LEF1: variants seen among roughly 807,000 people sequenced by gnomAD.
The protein encoded by LEF1 is lymphoid enhancer-binding factor 1.
A neutral mutation model predicts 51.2 loss-of-function variants in LEF1; 14 were observed. The observed-to-expected ratio is 0.27, with a 90% CI of 0.18 to 0.43. The LOEUF is 0.43. LEF1 is among the 20% of genes least tolerant of loss of function. The pLI, the probability that LEF1 is intolerant of heterozygous loss-of-function variation, is 1.00. For missense variants in LEF1, 386 were observed against 512.0 expected, an observed-to-expected ratio of 0.75 and a Z score of 2.37; for synonymous variants, 185 against 183.2, an observed-to-expected ratio of 1.01 and a Z score of -0.08.
In LEF1 at chr4:108,167,558, G is replaced by T; in HGVS notation, c.210C>A (p.His70Gln). The T allele has an allele frequency of 6.2e-7, 1 of 1,614,034 alleles. No homozygotes were observed. Among genetic ancestry groups the T allele is most frequent in the South Asian group, 1.1e-5 (1 of 91,078 alleles). Residue 70 changes from histidine to glutamine, a missense_variant, in exon 1 of 12, where the codon CAC becomes CAA. By Grantham distance (24) the His-to-Gln change is conservative (BLOSUM62 0). Around this residue, in one of 2 missense-constraint regions of LEF1, gnomAD observed 335 missense variants for 390.7 expected, o/e 0.86. Transcript: ENST00000265165. The surrounding 1 kb of genome is among the most constrained non-coding windows in gnomAD (Gnocchi z 5.7). ...ACTGGGGCAGCGGCCCGCTCACCTC[G>T]TGTCCGTTGCTGGCCGGGATGATTT... ...ESEIIPASNG[H>Q]EVARQAQTSQ...
rs540816439 is a variant in LEF1 at position 108,165,005 on chromosome 4, T to C, written c.280+92A>G. 10 of 1,091,086 alleles carry C rather than the reference T, an allele frequency of 9.2e-6. No homozygotes were observed. The South Asian group carries it at 1.3e-4, about 14-fold the overall frequency. 67.6% of individuals were successfully genotyped at this position (1,091,086 alleles called of 1,614,324 possible). On this transcript the variant is annotated intron_variant, in intron 2 of 11. Coordinates refer to ENST00000265165, the MANE Select transcript of LEF1 (RefSeq NM_016269.5). ...TGGGCATAGTCTGACCTAGTCCCAG[T>C]TTCTTGAACTCAAAAGTAACAAAAC...
At chr4:108,079,418 G>GT in intron 7 of LEF1, 74 bp downstream of exon 7, 1 of 1,534,200 alleles carries the variant, frequency 6.5e-7, no homozygotes, top group Non-Finnish European at 9.0e-7. Flanking sequence ...AAGGATCACT[G>GT]TTGCAAAGGA....
At chr4:108,059,343 G>C (rs902862557) in intron 11 of LEF1, among the ~76,000 whole-genome samples, 1 of 152,118 alleles carries the variant, frequency 6.6e-6, no homozygotes, top group Admixed American at 6.5e-5. Flanking sequence ...CAAGTTTTTT[G>C]TTCTTACTTC....
intron 1 of LEF1, chr4:108,166,223 AT>A (rs1485978890): frequency 6.3e-5 from 97 of 1,528,330 alleles, no homozygotes; most frequent in Non-Finnish European, 8.4e-5. Context: ...AAAGAACACC[AT>A]TCTGTTCTCT....
At chr4:108,138,751 AG>A (rs1743459669) in intron 3 of LEF1, among the ~76,000 whole-genome samples, 1 of 152,212 alleles carries the variant, frequency 6.6e-6, no homozygotes, top group African/African-American at 2.4e-5. Context: ...AGAATAGAAG[AG>A]CTGAGAATTT....
chr4:108,123,447 T>G (rs1214737081), intron 3 of LEF1, among the ~76,000 whole-genome samples: 6 of 149,252 alleles, frequency 4.0e-5, no homozygotes, highest in Admixed American at 2.7e-4. Flanking sequence ...TTTTTTTTTT[T>G]TTTTTTTTTT....
chr4:108,047,635 A>T lies in LEF1; in HGVS notation c.*1123T>A, dbSNP rs557538461. On this transcript the variant is annotated 3_prime_UTR_variant, in exon 12 of 12. Coordinates refer to ENST00000265165, the MANE Select transcript of LEF1 (RefSeq NM_016269.5). Reference sequence around the variant, plus strand: ...TCAAACTGGAATGACAAACGTTAGGATGACAGTTTTGGGCAAAGGCTGTGC... The same window carrying T: ...TCAAACTGGAATGACAAACGTTAGGTTGACAGTTTTGGGCAAAGGCTGTGC... The T allele has an allele frequency of 2.0e-5, 3 of 152,770 alleles. No homozygotes were observed. Among genetic ancestry groups the T allele is most frequent in the African/African-American group, 7.2e-5 (3 of 41,600 alleles). 9.5% of individuals were successfully genotyped at this position (152,770 alleles called of 1,614,324 possible). A position where few individuals can be genotyped will look rare whatever the true frequency, so the allele number is the denominator to read the frequency against.
intron 3 of LEF1, among the ~76,000 whole-genome samples, chr4:108,156,052 T>C (rs940456604): frequency 6.6e-6 from 1 of 152,330 alleles, no homozygotes; most frequent in South Asian, 2.1e-4. Context: ...AGAATAAAAA[T>C]GAATTGAAAA....
chr4:108,081,464 G>C, intron 6 of LEF1, 122 bp downstream of exon 6: 1 of 726,380 alleles, frequency 1.4e-6, no homozygotes, highest in Non-Finnish European at 2.4e-6. Context: ...ACACTGCACA[G>C]ACAGACACAT....
In LEF1 at chr4:108,089,053, G is replaced by A. The variant is rs902778262; in HGVS notation, c.547+72C>T. On this transcript the variant is annotated intron_variant, in intron 4 of 11. Transcript: ENST00000265165. ...GACATGGAGCACTGGCATCTGGAAG[G>A]TCACTCAGGCTGATGAGATTTGGCT... is the stretch of plus-strand genomic sequence containing the variant. The A allele has an allele frequency of 2.5e-6, 4 of 1,573,184 alleles. No homozygotes were observed. In the African/African-American group the frequency reaches 5.4e-5, roughly 21 times the overall value.
At chr4:108,099,614 A>G (rs1230822207) in intron 3 of LEF1, among the ~76,000 whole-genome samples, 2 of 124,726 alleles carry the variant, frequency 1.6e-5, no homozygotes, top group Non-Finnish European at 3.3e-5. Context: ...ATATATATAT[A>G]TATAAATAAT....
rs1295551847 is a variant in LEF1 at position 108,099,550 on chromosome 4, GTGTGTATGTGTGTGTGTGTGTA to G, written c.415-10315_415-10294del. 4.4e-3 allele frequency among the ~76,000 whole-genome samples: 198 copies of G among 44,728 alleles called. 9 individuals are homozygous for G. The highest frequency in any genetic ancestry group is 0.01 in the African/African-American group (186 of 18,504). The allele number at this position is 44,728 out of a possible 152,430, so 29.3% of individuals were successfully genotyped here. Reference sequence around the variant, plus strand: ...TATATATATATGTGTATATGTGTGTGTGTGTATGTGTGTGTGTGTGTATATATATATATATATATATATATAT... The same window carrying G: ...TATATATATATGTGTATATGTGTGTGTATATATATATATATATATATATAT... On this transcript the variant is annotated intron_variant, in intron 3 of 11. Coordinates refer to ENST00000265165, the MANE Select transcript of LEF1 (RefSeq NM_016269.5).
At chr4:108,166,895 C>T in intron 1 of LEF1, 2 of 813,416 alleles carry the variant, frequency 2.5e-6, no homozygotes, top group Non-Finnish European at 3.0e-6. Context: ...CTCGGCGCAC[C>T]CACAGCTCCC....
chr4:108,141,009 T>C (rs1719567868), intron 3 of LEF1, among the ~76,000 whole-genome samples: 1 of 152,238 alleles, frequency 6.6e-6, no homozygotes, highest in African/African-American at 2.4e-5. Flanking sequence ...AATGTTATTC[T>C]TGAACCAGAA....
intron 3 of LEF1, among the ~76,000 whole-genome samples, chr4:108,103,958 C>T (rs1295199908): frequency 6.6e-6 from 1 of 152,164 alleles, no homozygotes; most frequent in Non-Finnish European, 1.5e-5. Context: ...CACATGAATA[C>T]ACATATACAA....
chr4:108,164,823 G>A (rs774539268), intron 2 of LEF1, among the ~76,000 whole-genome samples: 2 of 152,136 alleles, frequency 1.3e-5, no homozygotes, highest in South Asian at 4.1e-4. Flanking sequence ...AGATGAGGAA[G>A]AGAAAAACTC....
intron 3 of LEF1, among the ~76,000 whole-genome samples, chr4:108,117,492 T>A (rs921795229): frequency 7.9e-5 from 12 of 152,204 alleles, no homozygotes; most frequent in African/African-American, 2.7e-4. Flanking sequence ...AAACAGGTGT[T>A]CTTCAGTAAC....
intron 3 of LEF1, among the ~76,000 whole-genome samples, chr4:108,113,898 C>T (rs890510597): frequency 6.6e-6 from 1 of 152,124 alleles, no homozygotes; most frequent in Non-Finnish European, 1.5e-5. Flanking sequence ...CTGCTTTCAG[C>T]TGTAAAAGAT....
intron 3 of LEF1, among the ~76,000 whole-genome samples, chr4:108,107,241 T>C (rs1430082135): frequency 6.6e-6 from 1 of 152,038 alleles, no homozygotes; most frequent in Non-Finnish European, 1.5e-5. Context: ...TGATAGAATT[T>C]ATAAGCAGAG....
Sources: allele counts gnomAD v4.1 joint callset (sites outside exome capture counted in the v4.1 genomes callset), GRCh38; gene constraint gnomAD v4.1.1; regional missense constraint gnomAD v4.1.1; non-coding constraint Gnocchi (gnomAD v3.1); transcripts MANE v1.5; gene names NCBI Gene and HGNC (gene_info 2026-07-23, HGNC 2026-07-21).